DDX4: variants seen among roughly 807,000 people sequenced by gnomAD.
The protein encoded by DDX4 is DEAD-box helicase 4, also known as probable ATP-dependent RNA helicase DDX4.
A neutral mutation model predicts 100.0 loss-of-function variants in DDX4; 25 were observed. The ratio of observed to expected loss-of-function variants is 0.25; its 90% CI spans 0.18 to 0.35. DDX4 has a LOEUF of 0.35. Ranked by LOEUF, DDX4 falls within the 10% of genes least tolerant of loss-of-function variation. DDX4 has a pLI of 1.00. For synonymous variants in DDX4, 259 were observed against 275.7 expected (o/e 0.94, Z 0.60); for missense variants, 635 against 882.4 (o/e 0.72, Z 3.55).
At chr5:55,742,362 C>A (rs931239218) in intron 2 of DDX4, 1 of 256,852 alleles carries the variant, frequency 3.9e-6, no homozygotes, top group Non-Finnish European at 8.5e-6. Context: ...ATCTATTTGC[C>A]ATTTTTGTGG....
chr5:55,746,819 A>C (rs1211018909), intron 3 of DDX4, among the ~76,000 whole-genome samples: 1 of 152,012 alleles, frequency 6.6e-6, no homozygotes, highest in East Asian at 1.9e-4. Flanking sequence ...TATTTTACAG[A>C]GTGGATGTAG....
chr5:55,749,979 C>G (rs140720534), intron 3 of DDX4, among the ~76,000 whole-genome samples: 277 of 140,670 alleles, frequency 2.0e-3, no homozygotes, highest in African/African-American at 5.3e-3. Flanking sequence ...CAGTTTTATT[C>G]AGAGCAAAAA....
At chr5:55,769,113 G>A (rs2111871142) in intron 7 of DDX4, among the ~76,000 whole-genome samples, 1 of 152,170 alleles carries the variant, frequency 6.6e-6, no homozygotes, top group Admixed American at 6.5e-5. Flanking sequence ...GCAGAAGCTT[G>A]TTCATTTAAT....
intron 10 of DDX4, among the ~76,000 whole-genome samples, 199 bp from the exon 11 acceptor site, chr5:55,785,098 A>G (rs893820740): frequency 2.6e-5 from 4 of 152,208 alleles, no homozygotes; most frequent in African/African-American, 7.2e-5. Flanking sequence ...GTAATATGTA[A>G]TAGTCTCCTC....
At chr5:55,748,227 G>GC (rs1759348461) in intron 3 of DDX4, among the ~76,000 whole-genome samples, 1 of 152,156 alleles carries the variant, frequency 6.6e-6, no homozygotes, top group South Asian at 2.1e-4. Flanking sequence ...TGAAACCCCA[G>GC]CAAAGGGCTA....
At chr5:55,804,806 G>C (rs2112142353) in intron 18 of DDX4, among the ~76,000 whole-genome samples, 1 of 152,220 alleles carries the variant, frequency 6.6e-6, no homozygotes, top group African/African-American at 2.4e-5. Context: ...GGCGATGCGG[G>C]CTCTTTTTTG....
intron 2 of DDX4, among the ~76,000 whole-genome samples, chr5:55,744,650 A>T (rs1759159359): frequency 6.6e-6 from 1 of 152,228 alleles, no homozygotes; most frequent in Non-Finnish European, 1.5e-5. Flanking sequence ...TGTTAATAGT[A>T]AATGATTTTC....
intron 18 of DDX4, among the ~76,000 whole-genome samples, chr5:55,811,850 A>G (rs1259140251): frequency 2.6e-5 from 4 of 152,198 alleles, no homozygotes; most frequent in Non-Finnish European, 4.4e-5. Flanking sequence ...ATTTAGTTGA[A>G]CACAGATTTC....
Position 55,785,754 on chromosome 5 carries a change from T to A in DDX4, c.747T>A (p.Pro249=). ...TQGPKVTYIP[P]PPPEDEDSIF... is the part of the protein sequence containing the mutation. ...GACCAAAAGTGACCTACATACCCCC[T>A]CCTCCACCTGAGGATGAGGACTCCA... The change falls in exon 13 of 22, where the codon CCT becomes CCA. Residue 249 remains proline (P), a synonymous_variant. Transcript: ENST00000505374. 1 of 1,612,212 alleles carries A rather than the reference T, an allele frequency of 6.2e-7. No homozygotes were observed. Among genetic ancestry groups the A allele is most frequent in the Non-Finnish European group, 8.5e-7 (1 of 1,178,364 alleles).
Position 55,815,154 on chromosome 5 carries a change from G to T in DDX4, c.1969G>T (p.Val657Leu), listed in dbSNP as rs769575758. 3.7e-6 allele frequency: 6 copies of T among 1,613,994 alleles called. No individual in the cohort carries two copies. In the Admixed American group the frequency reaches 1.0e-4, roughly 27 times the overall value. Reference sequence around the variant, plus strand: ...GGATAACCATTTAGCACAGCCTCTAGTAAAAGTATTGACAGATGTAAGTTA... The same window carrying T: ...GGATAACCATTTAGCACAGCCTCTATTAAAAGTATTGACAGATGTAAGTTA... ...ESDNHLAQPL[V>L]KVLTDAQQDV... The change falls in exon 20 of 22, where the codon GTA (valine) becomes TTA (leucine). Residue 657 changes from valine (V) to leucine (L), a missense_variant. Physicochemically the swap from Val to Leu is conservative, Grantham distance 32. Transcript: ENST00000505374.
intron 3 of DDX4, among the ~76,000 whole-genome samples, chr5:55,756,007 CT>C (rs1331001736): frequency 2.0e-5 from 3 of 152,012 alleles, no homozygotes; most frequent in Non-Finnish European, 4.4e-5. Flanking sequence ...ACATTGTGTT[CT>C]TTTTTTGTTG....
At chr5:55,805,336 C>T (rs79758131) in intron 18 of DDX4, among the ~76,000 whole-genome samples, 16,062 of 150,934 alleles carry the variant, frequency 0.11, 1,105 homozygotes, top group East Asian at 0.28. Context: ...GCCTAATTGC[C>T]CTGGCCAGAA....
At chr5:55,760,380 G>T in intron 4 of DDX4, 103 bp downstream of exon 4, 1 of 1,174,744 alleles carries the variant, frequency 8.5e-7, no homozygotes, top group African/African-American at 1.6e-5. Flanking sequence ...TTGTAAGTCA[G>T]TGTGTAGTAG....
chr5:55,793,547 A>G (rs1742727691), intron 17 of DDX4, among the ~76,000 whole-genome samples: 1 of 152,202 alleles, frequency 6.6e-6, no homozygotes, highest in Non-Finnish European at 1.5e-5. Context: ...TATTTTCTCT[A>G]GTGGAACTGC....
At chr5:55,773,192 G>A (rs1224648329) in intron 7 of DDX4, 1 of 152,362 alleles carries the variant, frequency 6.6e-6, no homozygotes, top group Admixed American at 6.5e-5. Flanking sequence ...TCACATGGTG[G>A]ATAAGGCCAG....
intron 17 of DDX4, among the ~76,000 whole-genome samples, chr5:55,796,459 C>G (rs370736618): frequency 7.9e-5 from 12 of 152,354 alleles, no homozygotes; most frequent in African/African-American, 2.9e-4. Flanking sequence ...CTCCCTGCTT[C>G]TAGTGTCACT....
At chr5:55,806,257 A>T (rs1419200012) in intron 18 of DDX4, among the ~76,000 whole-genome samples, 1 of 151,986 alleles carries the variant, frequency 6.6e-6, no homozygotes, top group East Asian at 1.9e-4. Context: ...AATTTTGTTG[A>T]TCTTTTCAAA....
chr5:55,795,785 G>A (rs1341931974), intron 17 of DDX4, among the ~76,000 whole-genome samples: 8 of 152,058 alleles, frequency 5.3e-5, no homozygotes, highest in Non-Finnish European at 5.9e-5. Context: ...AGTACAACGT[G>A]GCAGTGATAT....
chr5:55,777,564 T>G (rs575370107), intron 7 of DDX4: 1 of 152,260 alleles, frequency 6.6e-6, no homozygotes, highest in African/African-American at 2.4e-5. Flanking sequence ...GGAGACTGCC[T>G]AGGAATACTA....
Sources: allele counts gnomAD v4.1 joint callset (sites outside exome capture counted in the v4.1 genomes callset), GRCh38; gene constraint gnomAD v4.1.1; transcripts MANE v1.5; gene names NCBI Gene and HGNC (gene_info 2026-07-23, HGNC 2026-07-21).